VOPP1: variants seen among roughly 807,000 people sequenced by gnomAD.
The protein encoded by VOPP1 is WW domain binding protein VOPP1.
Under a neutral mutation model 23.5 loss-of-function variants are expected in VOPP1, and 8 were observed. That is an observed-to-expected ratio of 0.34 (90% CI 0.20 to 0.61). VOPP1 has a LOEUF of 0.61. VOPP1 is among the 20% of genes least tolerant of loss of function. VOPP1 has a pLI of 0.78. For synonymous variants in VOPP1, 83 were observed against 97.3 expected, an observed-to-expected ratio of 0.85 and a Z score of 0.86; for missense variants, 174 against 238.1, an observed-to-expected ratio of 0.73 and a Z score of 1.77.
intron 1 of VOPP1, among the ~76,000 whole-genome samples, chr7:55,565,093 A>G (rs1798121336): frequency 6.6e-6 from 1 of 152,154 alleles, no homozygotes; most frequent in Non-Finnish European, 1.5e-5. Context: ...TTTTATATAT[A>G]TATGTATTAG....
At chr7:55,559,132 G>A (rs1451332748) in intron 1 of VOPP1, among the ~76,000 whole-genome samples, 1 of 152,070 alleles carries the variant, frequency 6.6e-6, no homozygotes, top group Non-Finnish European at 1.5e-5. Flanking sequence ...TGGCTTCAAT[G>A]GGAGCCTGAG....
chr7:55,535,755 T>C (rs1179594089), intron 1 of VOPP1, among the ~76,000 whole-genome samples: 1 of 152,194 alleles, frequency 6.6e-6, no homozygotes, highest in Non-Finnish European at 1.5e-5. Flanking sequence ...CGTGAACTTA[T>C]TTGGTCCTAA....
chr7:55,557,869 G>A (rs1229897433), intron 1 of VOPP1, among the ~76,000 whole-genome samples: 3 of 152,212 alleles, frequency 2.0e-5, no homozygotes, highest in African/African-American at 7.2e-5. Context: ...CCTCCAACAG[G>A]AGGACTCCTA....
At chr7:55,476,447 G>C (rs1301205208) in intron 4 of VOPP1, among the ~76,000 whole-genome samples, 15 of 151,426 alleles carry the variant, frequency 9.9e-5, no homozygotes, top group South Asian at 6.3e-4. Flanking sequence ...TGGGCGGGGG[G>C]GCTGGGCCAA....
chr7:55,472,936 C>G lies in VOPP1; in HGVS notation c.438G>C (p.Gln146His). Reference sequence around the variant, plus strand: ...GAGGGGGCGGGCAGGCCACACTCCCCTGGGGTGAGTTGGGTGGGACCTGGA... The same window carrying G: ...GAGGGGGCGGGCAGGCCACACTCCCGTGGGGTGAGTTGGGTGGGACCTGGA... ...MAFQVPPNSP[Q>H]GSVACPPPPA... Residue 146 changes from glutamine to histidine, a missense_variant, in exon 5 of 5, where the codon CAG becomes CAC. Transcript: ENST00000285279. The G allele has an allele frequency of 1.3e-6, 2 of 1,580,562 alleles. No individual in the cohort carries two copies. Among genetic ancestry groups the G allele is most frequent in the Non-Finnish European group, 1.7e-6 (2 of 1,167,386 alleles).
downstream of VOPP1, among the ~76,000 whole-genome samples, chr7:55,465,834 T>C (rs1386476422): frequency 6.6e-6 from 1 of 152,186 alleles, no homozygotes; most frequent in African/African-American, 2.4e-5. Flanking sequence ...AATGCACAGT[T>C]AGGTCCACAG....
At chr7:55,495,057 C>A (rs1159628088) in intron 3 of VOPP1, among the ~76,000 whole-genome samples, 3 of 152,088 alleles carry the variant, frequency 2.0e-5, no homozygotes, top group Non-Finnish European at 4.4e-5. Context: ...CCCGACCCCC[C>A]AGCCCCGAGT....
intron 2 of VOPP1, among the ~76,000 whole-genome samples, chr7:55,509,654 T>C (rs1472214306): frequency 1.3e-5 from 2 of 152,228 alleles, no homozygotes; most frequent in Admixed American, 1.3e-4. Flanking sequence ...AGCTCTGGAC[T>C]ACATCCTGCC....
chr7:55,556,008 G>A lies in VOPP1; in HGVS notation c.54+16263C>T, dbSNP rs550377145. On this transcript the variant is annotated intron_variant, in intron 1 of 4. Transcript: ENST00000285279. Reference sequence around the variant, plus strand: ...GTAGATTTCGCCTCTCTAATAACCTGTATATGATAATGAGAACATGGGTAT... The same window carrying A: ...GTAGATTTCGCCTCTCTAATAACCTATATATGATAATGAGAACATGGGTAT... Among the ~76,000 whole-genome samples, 23 of 152,298 alleles carry A rather than the reference G, an allele frequency of 1.5e-4. No individual in the cohort carries two copies. In the South Asian group the frequency reaches 4.6e-3, roughly 30 times the overall value.
At chr7:55,477,463 G>A (rs114585720) in intron 4 of VOPP1, among the ~76,000 whole-genome samples, 1,878 of 152,312 alleles carry the variant, frequency 0.012, 49 homozygotes, top group African/African-American at 0.043. Flanking sequence ...AGGAGTGACT[G>A]GCTGCCCCAC....
At chr7:55,475,347 G>A (rs1280140548) in intron 4 of VOPP1, among the ~76,000 whole-genome samples, 1 of 152,164 alleles carries the variant, frequency 6.6e-6, no homozygotes, top group Non-Finnish European at 1.5e-5. Context: ...AGCACAGCAA[G>A]GGACTCGGCC....
At chr7:55,544,002 G>A (rs1321311014) in intron 1 of VOPP1, among the ~76,000 whole-genome samples, 1 of 152,134 alleles carries the variant, frequency 6.6e-6, no homozygotes, top group East Asian at 1.9e-4. Flanking sequence ...ATGTCCTGAA[G>A]CATTTCCCCA....
At position 55,476,431 on chromosome 7, in the gene VOPP1, G is replaced by T. The variant is rs796084027; in HGVS notation, c.329-3386C>A. 6.7e-4 allele frequency among the ~76,000 whole-genome samples: 97 copies of T among 144,754 alleles called. No individual in the cohort carries two copies. In the South Asian group the frequency reaches 0.011, roughly 16 times the overall value. The allele number at this position is 144,754 out of a possible 152,430, so 95.0% of individuals were successfully genotyped here. ...CAGCTGACTGGCCAGTGGCGTGTCGGGGGGGTGGGCGGGGGGGCTGGGCCA... is the reference window on the plus strand; with the variant it reads ...CAGCTGACTGGCCAGTGGCGTGTCGTGGGGGTGGGCGGGGGGGCTGGGCCA... On this transcript the variant is annotated intron_variant, in intron 4 of 4. Coordinates refer to ENST00000285279, the MANE Select transcript of VOPP1 (RefSeq NM_030796.5).
chr7:55,456,286 A>T (rs1791365079), intron 4 of VOPP1, among the ~76,000 whole-genome samples: 2 of 152,238 alleles, frequency 1.3e-5, no homozygotes, highest in Admixed American at 6.5e-5. Flanking sequence ...ATCATTAAAA[A>T]GTCAGGAAAC....
chr7:55,489,962 G>A (rs987087884), intron 4 of VOPP1, among the ~76,000 whole-genome samples: 5 of 152,134 alleles, frequency 3.3e-5, no homozygotes, highest in Admixed American at 1.3e-4. Flanking sequence ...CACCTTGGAG[G>A]AAGGCATTTT....
chr7:55,568,081 C>CTTTTTTTTTT (rs60284804), intron 1 of VOPP1, among the ~76,000 whole-genome samples: 1 of 124,040 alleles, frequency 8.1e-6, no homozygotes, highest in African/African-American at 3.1e-5. Flanking sequence ...ACAACTATTC[C>CTTTTTTTTTT]TTTTTTTTTT....
At chr7:55,561,138 T>A (rs1341936775) in intron 1 of VOPP1, among the ~76,000 whole-genome samples, 5 of 152,044 alleles carry the variant, frequency 3.3e-5, no homozygotes, top group African/African-American at 1.2e-4. Context: ...TGTGCGACCT[T>A]CACCATGACC....
chr7:55,558,123 T>C (rs888669064), intron 1 of VOPP1, among the ~76,000 whole-genome samples: 1 of 152,162 alleles, frequency 6.6e-6, no homozygotes, highest in African/African-American at 2.4e-5. Flanking sequence ...CAGTGAGTCC[T>C]AGAGGGCTGC....
chr7:55,443,949 A>G (rs1583787590), intron 4 of VOPP1, among the ~76,000 whole-genome samples: 2 of 152,252 alleles, frequency 1.3e-5, no homozygotes, highest in Non-Finnish European at 2.9e-5. Context: ...GGCCTATTGT[A>G]ATTTTTAATT....
Sources: gnomAD v4.1 joint callset for allele counts (sites outside exome capture counted in the v4.1 genomes callset) on GRCh38, gnomAD v4.1.1 for gene constraint, MANE v1.5 for transcripts, NCBI Gene and HGNC (gene_info 2026-07-23, HGNC 2026-07-21) for gene names.